BMPR1A: variants seen among roughly 807,000 people sequenced by gnomAD.
BMPR1A encodes bone morphogenetic protein receptor type-1A.
Under a neutral mutation model 66.0 loss-of-function variants are expected in BMPR1A, and 7 were observed. The ratio of observed to expected loss-of-function variants is 0.11; its 90% confidence interval spans 0.06 to 0.20. The LOEUF (loss-of-function observed/expected upper bound fraction) is 0.20. Among genes scored for constraint, BMPR1A ranks in the 10% least tolerant of loss-of-function variants. The pLI is 1.00. For synonymous variants in BMPR1A, 200 were observed against 229.7 expected (o/e 0.87, Z 1.17); for missense variants, 408 against 669.1 (o/e 0.61, Z 4.31).
At chr10:86,787,424 C>G (rs541011494) in intron 1 of BMPR1A, among the ~76,000 whole-genome samples, 3 of 152,224 alleles carry the variant, frequency 2.0e-5, no homozygotes, top group East Asian at 3.9e-4. Context: ...AATAAAAGAT[C>G]TATTTGTAGG....
chr10:86,799,502 CTTCCTTTCTTTTCT>C (rs1247568024), intron 1 of BMPR1A, among the ~76,000 whole-genome samples: 17 of 122,618 alleles, frequency 1.4e-4, no homozygotes, highest in Admixed American at 1.4e-3. Flanking sequence ...TCCTTCCTTC[CTTCCTTTCTTTTCT>C]TTTCTTTTCT....
chr10:86,866,399 C>CTTTTTTTTTTCTT (rs1842785629), intron 2 of BMPR1A, among the ~76,000 whole-genome samples: 2 of 69,474 alleles, frequency 2.9e-5, no homozygotes, highest in African/African-American at 1.1e-4. Context: ...AAGTTTCTTT[C>CTTTTTTTTTTCTT]TTTTTTTTTT....
intron 5 of BMPR1A, among the ~76,000 whole-genome samples, chr10:86,893,487 T>A (rs1344962288): frequency 6.6e-6 from 1 of 152,152 alleles, no homozygotes; most frequent in African/African-American, 2.4e-5. Flanking sequence ...GTTCCTATTA[T>A]TTGGAAATTC....
chr10:86,884,783 A>G (rs1843048119), intron 3 of BMPR1A, among the ~76,000 whole-genome samples: 1 of 152,142 alleles, frequency 6.6e-6, no homozygotes, highest in Non-Finnish European at 1.5e-5. Context: ...ATTCAGTGAC[A>G]TTATGGATGA....
At chr10:86,917,492 A>G (rs530950234) in intron 9 of BMPR1A, among the ~76,000 whole-genome samples, 166 bp downstream of exon 9, 7 of 152,352 alleles carry the variant, frequency 4.6e-5, no homozygotes, top group African/African-American at 1.7e-4. Context: ...CGGAATGCCA[A>G]CCAAGATCTT....
chr10:86,813,304 C>T (rs1841994292), intron 1 of BMPR1A, among the ~76,000 whole-genome samples: 1 of 152,086 alleles, frequency 6.6e-6, no homozygotes, highest in Non-Finnish European at 1.5e-5. Context: ...TGAGACTTTC[C>T]GGGAACATCT....
chr10:86,864,621 A>G (rs183906510), intron 2 of BMPR1A, among the ~76,000 whole-genome samples: 14 of 152,352 alleles, frequency 9.2e-5, no homozygotes, highest in African/African-American at 2.6e-4. Flanking sequence ...GTATGACAAC[A>G]TAAAAAAACT....
At chr10:86,786,116 C>T (rs1464022486) in intron 1 of BMPR1A, among the ~76,000 whole-genome samples, 1 of 152,194 alleles carries the variant, frequency 6.6e-6, no homozygotes, top group Non-Finnish European at 1.5e-5. Flanking sequence ...TCTCACATCC[C>T]TCAATTATTA....
intron 7 of BMPR1A, among the ~76,000 whole-genome samples, chr10:86,909,991 A>G (rs1000524717): frequency 2.0e-5 from 3 of 152,140 alleles, no homozygotes; most frequent in African/African-American, 7.2e-5. Flanking sequence ...TATGGTAGAA[A>G]ATTGTATTTC....
chr10:86,862,783 C>T (rs1842729364), intron 2 of BMPR1A, among the ~76,000 whole-genome samples: 1 of 150,406 alleles, frequency 6.6e-6, no homozygotes, highest in Non-Finnish European at 1.5e-5. Flanking sequence ...TAGCGATATT[C>T]TAAAAATAAA....
chr10:86,901,348 A>T (rs751897816), intron 7 of BMPR1A, among the ~76,000 whole-genome samples: 4 of 152,234 alleles, frequency 2.6e-5, no homozygotes, highest in Non-Finnish European at 4.4e-5. Flanking sequence ...TGATTTGCTA[A>T]CACAGTATTG....
intron 1 of BMPR1A, among the ~76,000 whole-genome samples, chr10:86,763,883 C>T (rs1017688607): frequency 6.5e-4 from 98 of 151,576 alleles, no homozygotes; most frequent in Admixed American, 2.0e-4. Flanking sequence ...CTCTGCCTCC[C>T]GGGTTCACGC....
At chr10:86,764,902 G>T (rs544845209) in intron 1 of BMPR1A, among the ~76,000 whole-genome samples, 1 of 152,158 alleles carries the variant, frequency 6.6e-6, no homozygotes, top group Non-Finnish European at 1.5e-5. Flanking sequence ...GATACTGTTA[G>T]GGATACATTG....
intron 11 of BMPR1A, among the ~76,000 whole-genome samples, chr10:86,922,238 C>CT (rs1246966658): frequency 6.6e-6 from 1 of 152,152 alleles, no homozygotes; most frequent in African/African-American, 2.4e-5. Flanking sequence ...GAATCTCATT[C>CT]TTTTTTCTGG....
intron 1 of BMPR1A, among the ~76,000 whole-genome samples, chr10:86,768,056 T>G (rs1358727851): frequency 6.6e-6 from 1 of 152,230 alleles, no homozygotes; most frequent in Non-Finnish European, 1.5e-5. Context: ...GTCACATTTT[T>G]CTGTGAATTA....
intron 2 of BMPR1A, among the ~76,000 whole-genome samples, chr10:86,868,309 C>T (rs1259612759): frequency 6.6e-6 from 1 of 152,142 alleles, no homozygotes; most frequent in Non-Finnish European, 1.5e-5. Context: ...TTTAGATTTG[C>T]GGGATATTGT....
At position 86,919,198 on chromosome 10, in the gene BMPR1A, A is replaced by G. The variant is rs876660756; in HGVS notation, c.895A>G (p.Thr299Ala). 1.2e-6 allele frequency: 2 copies of G among 1,613,978 alleles called. No individual in the cohort carries two copies. The highest frequency in any genetic ancestry group is 1.7e-6 in the Non-Finnish European group (2 of 1,179,858). Residue 299 changes from threonine to alanine, a missense_variant, in exon 10 of 13, where the codon ACA becomes GCA. Coordinates refer to ENST00000372037, the MANE Select transcript of BMPR1A (RefSeq NM_004329.3). ...LGFIAADIKGTGSWTQLYLIT... is the reference protein window; with the variant it reads ...LGFIAADIKGAGSWTQLYLIT... ...TTTCATAGCGGCAGACATTAAAGGT[A>G]CAGGTTCCTGGACTCAGCTCTATTT... is the stretch of plus-strand genomic sequence containing the variant.
chr10:86,865,740 TCC>T (rs1209418947), intron 2 of BMPR1A, among the ~76,000 whole-genome samples: 3 of 152,256 alleles, frequency 2.0e-5, no homozygotes, highest in Non-Finnish European at 4.4e-5. Context: ...TGAAGGATTG[TCC>T]CTGCACATTG....
chr10:86,782,054 G>C (rs1339246537), intron 1 of BMPR1A, among the ~76,000 whole-genome samples: 5 of 116 alleles, frequency 0.043, no homozygotes. Context: ...GTAGAGACGG[G>C]GTTTCACTAC....
Sources: gnomAD v4.1 joint callset for allele counts (sites outside exome capture counted in the v4.1 genomes callset) on GRCh38, gnomAD v4.1.1 for gene constraint, MANE v1.5 for transcripts, NCBI Gene and HGNC (gene_info 2026-07-23, HGNC 2026-07-21) for gene names.